The following CCDC6 variants were observed in gnomAD, a reference collection of about 807,000 sequenced individuals.
The protein encoded by CCDC6 is coiled-coil domain-containing protein 6.
In CCDC6, 20 loss-of-function variants were observed where a neutral mutation model predicts 56.6. The observed-to-expected ratio is 0.35, with a 90% confidence interval of 0.25 to 0.51. The LOEUF (loss-of-function observed/expected upper bound fraction) is 0.51. CCDC6 is among the 20% of genes least tolerant of loss of function. The pLI is 0.95. For missense variants in CCDC6, 367 were observed against 601.1 expected, an observed-to-expected ratio of 0.61 and a Z score of 4.07; for synonymous variants, 241 against 234.4, an observed-to-expected ratio of 1.03 and a Z score of -0.26.
intron 3 of CCDC6, among the ~76,000 whole-genome samples, chr10:59,829,899 G>A (rs77548601): frequency 0.016 from 2,497 of 152,326 alleles, 77 homozygotes; most frequent in African/African-American, 0.056. Context: ...TGTAGGATAT[G>A]TAAATTACAT....
chr10:59,846,605 A>G (rs1013190204), intron 2 of CCDC6, among the ~76,000 whole-genome samples: 1 of 152,176 alleles, frequency 6.6e-6, no homozygotes, highest in Admixed American at 6.5e-5. Flanking sequence ...TGTGCCCCCT[A>G]TTAGGATATG....
chr10:59,829,792 T>C (rs1012463048), intron 3 of CCDC6, among the ~76,000 whole-genome samples: 1 of 152,236 alleles, frequency 6.6e-6, no homozygotes, highest in Admixed American at 6.5e-5. Flanking sequence ...GGGTTTCATT[T>C]TGAGTTCACA....
At chr10:59,867,585 A>C (rs1393432564) in intron 1 of CCDC6, among the ~76,000 whole-genome samples, 2 of 152,074 alleles carry the variant, frequency 1.3e-5, no homozygotes. Context: ...ACAAGGTCTC[A>C]CTCTGTCACC....
At chr10:59,880,800 C>G (rs751138485) in intron 1 of CCDC6, among the ~76,000 whole-genome samples, 1 of 152,166 alleles carries the variant, frequency 6.6e-6, no homozygotes, top group Non-Finnish European at 1.5e-5. Context: ...ATGAGGATAA[C>G]TCTTATACTC....
intron 1 of CCDC6, among the ~76,000 whole-genome samples, chr10:59,887,958 C>T (rs1214551294): frequency 2.6e-5 from 4 of 152,154 alleles, no homozygotes; most frequent in Non-Finnish European, 2.9e-5. Flanking sequence ...CACCTGAGCC[C>T]CAGATCCTTT....
rs1269060423 is a variant in CCDC6, at chr10:59,794,592, A to T, written c.1111T>A (p.Ser371Thr). Residue 371 changes from serine to threonine, a missense_variant, in exon 8 of 9, where the codon TCA (serine) becomes ACA (threonine). This residue lies in a region of CCDC6 where 79 missense variants were observed against 83.9 expected (regional missense o/e 0.94). Transcript: ENST00000263102. ...AAACCAACCGTGTGACTTGCATATG[A>T]TAGACCTAAAATATAACAACAAATT... The part of the protein sequence containing the change: ...SSSRPISPGL[S>T]YASHTVGFTP... 6 of 1,613,796 alleles carry T rather than the reference A, an allele frequency of 3.7e-6. No homozygotes were observed. The highest frequency in any genetic ancestry group is 5.1e-6 in the Non-Finnish European group (6 of 1,179,710).
chr10:59,830,289 C>A (rs1354147193), intron 3 of CCDC6, among the ~76,000 whole-genome samples: 2 of 152,166 alleles, frequency 1.3e-5, no homozygotes, highest in Non-Finnish European at 2.9e-5. Context: ...TAGACTATAA[C>A]ATATACTACA....
intron 3 of CCDC6, among the ~76,000 whole-genome samples, chr10:59,816,985 G>C (rs546142944): frequency 1.3e-5 from 2 of 152,318 alleles, no homozygotes; most frequent in East Asian, 3.9e-4. Flanking sequence ...GAGGTGCAGG[G>C]TGTCAAAATA....
intron 2 of CCDC6, among the ~76,000 whole-genome samples, chr10:59,836,082 T>C (rs12243564): frequency 0.51 from 73,798 of 144,442 alleles, 20,675 homozygotes; most frequent in African/African-American, 0.76. Context: ...AAAGCTTGCT[T>C]GAGAGAAGCA....
rs537692463 is a variant in CCDC6 at position 59,816,951 on chromosome 10, G to C, written c.583-2196C>G. Among the ~76,000 whole-genome samples, 8 of 152,284 alleles carry C rather than the reference G, an allele frequency of 5.3e-5. No homozygotes were observed. The East Asian group carries it at 1.5e-3, about 29-fold the overall frequency. ...TTGCATGGCAGAATTTGATTCTGAA[G>C]AACAGTTCAAGGGCAAAAAGGAGGA... On this transcript the variant is annotated intron_variant, in intron 3 of 8. Coordinates refer to ENST00000263102, the MANE Select transcript of CCDC6 (RefSeq NM_005436.5).
chr10:59,801,584 A>C (rs1041788176), intron 7 of CCDC6, among the ~76,000 whole-genome samples: 7 of 152,142 alleles, frequency 4.6e-5, no homozygotes, highest in African/African-American at 1.7e-4. Context: ...ACAGTCGCAT[A>C]TCCCACATTT....
intron 1 of CCDC6, among the ~76,000 whole-genome samples, chr10:59,870,926 G>A (rs925646245): frequency 5.9e-5 from 9 of 152,124 alleles, no homozygotes; most frequent in Non-Finnish European, 1.0e-4. Context: ...CTGTATTTGG[G>A]GGTCTCCCCA....
chr10:59,806,794 T>C lies in CCDC6; in HGVS notation c.1004+128A>G, dbSNP rs2070628917. 1.0e-5 allele frequency: 7 copies of C among 699,358 alleles called. 1 individual carries two copies. In the South Asian group the frequency reaches 2.1e-4, roughly 21 times the overall value. The allele number at this position is 699,358 out of a possible 1,614,324, so 43.3% of individuals were successfully genotyped here. On this transcript the variant is annotated intron_variant, in intron 6 of 8. Coordinates refer to ENST00000263102, the MANE Select transcript of CCDC6 (RefSeq NM_005436.5). ...TGGCATCTACTATAACGCAGTGGCA[T>C]TCATTAGCACAATAAATACATATTT...
chr10:59,894,426 T>C (rs1358304477), intron 1 of CCDC6, among the ~76,000 whole-genome samples: 1 of 152,174 alleles, frequency 6.6e-6, no homozygotes, highest in African/African-American at 2.4e-5. Context: ...GACTAAGAAA[T>C]CTCCTCATTC....
At chr10:59,836,052 TAAAAA>T (rs59353306) in intron 2 of CCDC6, among the ~76,000 whole-genome samples, 2 of 57,592 alleles carry the variant, frequency 3.5e-5, no homozygotes, top group Admixed American at 2.2e-4. Flanking sequence ...CGACCCTGTC[TAAAAA>T]AAAAAAAAAA....
intron 1 of CCDC6, among the ~76,000 whole-genome samples, chr10:59,885,060 T>TAACAAC (rs34281702): frequency 3.4e-4 from 51 of 148,220 alleles, no homozygotes; most frequent in Middle Eastern, 3.4e-3. Flanking sequence ...CGAGACTCCG[T>TAACAAC]AACAACAACA....
chr10:59,858,947 G>C (rs945008653), intron 1 of CCDC6, among the ~76,000 whole-genome samples: 2 of 152,128 alleles, frequency 1.3e-5, no homozygotes, highest in Admixed American at 6.6e-5. Context: ...CTGTGCCTTT[G>C]TCCAGCTATA....
chr10:59,840,225 T>A (rs1396637370), intron 2 of CCDC6, among the ~76,000 whole-genome samples: 17 of 152,340 alleles, frequency 1.1e-4, no homozygotes, highest in African/African-American at 3.8e-4. Flanking sequence ...GAGAAACCAC[T>A]GGGTCATAGA....
At chr10:59,888,242 C>T (rs561439277) in intron 1 of CCDC6, among the ~76,000 whole-genome samples, 9 of 152,320 alleles carry the variant, frequency 5.9e-5, no homozygotes, top group African/African-American at 1.9e-4. Flanking sequence ...GTCCATCTTC[C>T]GAGGGCATGA....
Sources: allele counts gnomAD v4.1 joint callset (sites outside exome capture counted in the v4.1 genomes callset), GRCh38; gene constraint gnomAD v4.1.1; regional missense constraint gnomAD v4.1.1; transcripts MANE v1.5; gene names NCBI Gene and HGNC (gene_info 2026-07-23, HGNC 2026-07-21).